NCKAP5: variants seen among roughly 807,000 people sequenced by gnomAD.
NCKAP5 encodes the protein nck-associated protein 5.
A neutral mutation model predicts 167.0 loss-of-function variants in NCKAP5; 92 were observed. The ratio of observed to expected loss-of-function variants is 0.55; its 90% CI spans 0.47 to 0.66. The LOEUF (loss-of-function observed/expected upper bound fraction) is 0.66, where lower values mean the gene tolerates loss of function less well. NCKAP5 is among the 30% of genes least tolerant of loss of function. The probability of loss-of-function intolerance (pLI) is 0.00; values close to 1 mark genes in which losing one functional copy is unlikely to be tolerated. For missense variants in NCKAP5, 2,378 were observed against 2,315.0 expected, an observed-to-expected ratio of 1.03 and a Z score of -0.56; for synonymous variants, 891 against 877.4, an observed-to-expected ratio of 1.02 and a Z score of -0.27.
intron 3 of NCKAP5, among the ~76,000 whole-genome samples, chr2:133,446,303 T>G (rs1039588508): frequency 6.6e-6 from 1 of 152,070 alleles, no homozygotes; most frequent in African/African-American, 2.4e-5. Context: ...TAAATAGATA[T>G]GATATTAAAG....
Position 133,093,233 on chromosome 2 carries a change from C to A in NCKAP5, c.341+36745G>T, listed in dbSNP as rs544675381. Among the ~76,000 whole-genome samples the A allele has an allele frequency of 1.6e-4, 25 of 152,232 alleles. No individual in the cohort carries two copies. The Middle Eastern group carries it at 0.014, about 83-fold the overall frequency. ...TTCAATTAAAAAACAAAGGCCTAAA[C>A]CCTAAGTATGTGATGGCTGTGGTAG... is the stretch of plus-strand genomic sequence containing the variant. On this transcript the variant is annotated intron_variant, in intron 6 of 19. Coordinates refer to ENST00000409261, the MANE Select transcript of NCKAP5 (RefSeq NM_207363.3).
At chr2:133,457,390 T>A (rs1691928161) in intron 3 of NCKAP5, among the ~76,000 whole-genome samples, 1 of 152,134 alleles carries the variant, frequency 6.6e-6, no homozygotes, top group African/African-American at 2.4e-5. Context: ...CACTGAGAAC[T>A]CTTTCTCATT....
At chr2:133,449,884 T>C (rs962466534) in intron 3 of NCKAP5, among the ~76,000 whole-genome samples, 2 of 152,050 alleles carry the variant, frequency 1.3e-5, no homozygotes, top group East Asian at 1.9e-4. Context: ...CTCGGTTGCA[T>C]AGCACAATTT....
At chr2:133,102,965 A>T (rs1281165591) in intron 6 of NCKAP5, among the ~76,000 whole-genome samples, 1 of 150,864 alleles carries the variant, frequency 6.6e-6, no homozygotes, top group Non-Finnish European at 1.5e-5. Context: ...CATCTGAAAA[A>T]TGATGAGTTT....
rs997956184 is a variant in NCKAP5, at chr2:133,143,032, T to A, written c.208-12921A>T. 1.2e-4 allele frequency among the ~76,000 whole-genome samples: 19 copies of A among 152,130 alleles called. 1 individual carries two copies. The highest frequency in any genetic ancestry group is 1.0e-3 in the Admixed American group (16 of 15,248). ...CATTTTCATCCTTTTTATATTAGTG[T>A]CTTGAAAGCCCTTCTAGAAAATTTT... is the stretch of plus-strand genomic sequence containing the variant. On this transcript the variant is annotated intron_variant, in intron 5 of 19. Transcript: ENST00000409261.
At chr2:133,475,706 A>G (rs1170939379) in intron 3 of NCKAP5, among the ~76,000 whole-genome samples, 1 of 152,230 alleles carries the variant, frequency 6.6e-6, no homozygotes, top group African/African-American at 2.4e-5. Flanking sequence ...ACAGATGTAC[A>G]GAAAAATGTT....
chr2:133,186,790 T>C (rs772514868), intron 5 of NCKAP5, among the ~76,000 whole-genome samples: 4 of 152,104 alleles, frequency 2.6e-5, no homozygotes, highest in Non-Finnish European at 4.4e-5. Context: ...GTGAGATTAA[T>C]TGTAATGTCA....
chr2:133,260,978 A>T (rs2088877754), intron 4 of NCKAP5, among the ~76,000 whole-genome samples: 1 of 152,210 alleles, frequency 6.6e-6, no homozygotes, highest in African/African-American at 2.4e-5. Flanking sequence ...TCATTAATAG[A>T]AAAAATAAAC....
the NCKAP5 span, among the ~76,000 whole-genome samples, chr2:133,666,997 G>A: frequency 6.6e-6 from 1 of 151,974 alleles, no homozygotes; most frequent in African/African-American, 2.4e-5. Flanking sequence ...AAATGGAGAG[G>A]CATGCAATCT....
chr2:133,595,307 T>C, the NCKAP5 span, among the ~76,000 whole-genome samples: 1 of 152,064 alleles, frequency 6.6e-6, no homozygotes, highest in Admixed American at 6.5e-5. Flanking sequence ...GGCCCAGCAC[T>C]ACTCTATTAT....
rs56967710 is a variant in NCKAP5, at chr2:132,755,854, A to AAATAATAATAATAATAAT, written c.5128+17944_5128+17961dup. Among the ~76,000 whole-genome samples, 1,350 of 143,762 alleles carry AAATAATAATAATAATAAT rather than the reference A, an allele frequency of 9.4e-3. 14 individuals are homozygous for AAATAATAATAATAATAAT. Among genetic ancestry groups the AAATAATAATAATAATAAT allele is most frequent in the African/African-American group, 0.028 (1,072 of 38,510 alleles). The allele number at this position is 143,762 out of a possible 152,430, so 94.3% of individuals were successfully genotyped here. A position where few individuals can be genotyped will look rare whatever the true frequency, so the allele number is the denominator to read the frequency against. The stretch of plus-strand genomic sequence containing the variant: ...TCAGAAAAAAAAATGCTAAATGGCA[A>AAATAATAATAATAATAAT]AATAATAATAATAATAATAATAATA... On this transcript the variant is annotated intron_variant, in intron 16 of 19. Coordinates refer to ENST00000409261, the MANE Select transcript of NCKAP5 (RefSeq NM_207363.3).
chr2:133,164,879 C>T (rs1213471338), intron 5 of NCKAP5, among the ~76,000 whole-genome samples: 1 of 152,178 alleles, frequency 6.6e-6, no homozygotes, highest in Non-Finnish European at 1.5e-5. Context: ...TATTTGGATG[C>T]CTGAAGAGAT....
At position 132,727,403 on chromosome 2, in the gene NCKAP5, G is replaced by A. The variant is rs568635591; in HGVS notation, c.5580+1413C>T. ...TCCCAAAGCCAGCACAGAGTCCTTT[G>A]GAACAGTGGCAGCAATGCTCTGTGC... On this transcript the variant is annotated intron_variant, in intron 18 of 19. Coordinates refer to ENST00000409261, the MANE Select transcript of NCKAP5 (RefSeq NM_207363.3). Among the ~76,000 whole-genome samples the A allele has an allele frequency of 6.6e-4, 100 of 152,178 alleles. 1 individual carries two copies. The highest frequency in any genetic ancestry group is 8.5e-4 in the Non-Finnish European group (58 of 68,028).
At chr2:133,022,457 G>A (rs1470463828) in intron 6 of NCKAP5, among the ~76,000 whole-genome samples, 6 of 152,132 alleles carry the variant, frequency 3.9e-5, no homozygotes, top group Non-Finnish European at 8.8e-5. Flanking sequence ...TGCAGGGAGG[G>A]GCTGTCTCTG....
chr2:133,541,977 G>T (rs893670219), intron 2 of NCKAP5, among the ~76,000 whole-genome samples: 1 of 152,084 alleles, frequency 6.6e-6, no homozygotes, highest in African/African-American at 2.4e-5. Context: ...AAATGGAAGG[G>T]TTTGCACGGG....
chr2:133,191,712 G>T (rs571409020), intron 5 of NCKAP5, among the ~76,000 whole-genome samples: 2 of 152,196 alleles, frequency 1.3e-5, no homozygotes, highest in South Asian at 4.1e-4. Context: ...GGTGGGAATT[G>T]AACAATGAGA....
intron 4 of NCKAP5, among the ~76,000 whole-genome samples, chr2:133,265,819 G>T (rs1057408597): frequency 1.3e-5 from 2 of 152,156 alleles, no homozygotes; most frequent in Non-Finnish European, 2.9e-5. Flanking sequence ...AGCAGGGAGG[G>T]AGTTTTCCCA....
At position 133,432,484 on chromosome 2, in the gene NCKAP5, C is replaced by T. The variant is rs112666248; in HGVS notation, c.69+84974G>A. 5.3e-3 allele frequency among the ~76,000 whole-genome samples: 801 copies of T among 152,280 alleles called. 5 individuals carry two copies. The highest frequency in any genetic ancestry group is 0.018 in the African/African-American group (748 of 41,548). ...CAAATGCTCCCAGTGCCTGTTGTTG[C>T]TATTAAGCCAGAGATAAACTCAACA... On this transcript the variant is annotated intron_variant, in intron 3 of 19. Coordinates refer to ENST00000409261, the MANE Select transcript of NCKAP5 (RefSeq NM_207363.3).
chr2:133,148,562 AC>A (rs1276020762), intron 5 of NCKAP5, among the ~76,000 whole-genome samples: 1 of 152,138 alleles, frequency 6.6e-6, no homozygotes, highest in Non-Finnish European at 1.5e-5. Context: ...GGCTACTATA[AC>A]AAAAATCCTA....
Sources: allele counts gnomAD v4.1 joint callset (sites outside exome capture counted in the v4.1 genomes callset), GRCh38; gene constraint gnomAD v4.1.1; transcripts MANE v1.5; gene names NCBI Gene and HGNC (gene_info 2026-07-23, HGNC 2026-07-21).